ABCG1: variants seen among roughly 807,000 people sequenced by gnomAD.
ABCG1 encodes ATP binding cassette subfamily G member 1.
In ABCG1, 29 loss-of-function variants were observed where a neutral mutation model predicts 69.2. The observed-to-expected ratio is 0.42, with a 90% CI of 0.31 to 0.57. The LOEUF (loss-of-function observed/expected upper bound fraction) is 0.57, where lower values mean the gene tolerates loss of function less well. ABCG1 is among the 20% of genes least tolerant of loss of function. ABCG1 has a pLI of 0.15. For synonymous variants in ABCG1, 370 were observed against 374.8 expected (o/e 0.99, Z 0.15); for missense variants, 718 against 898.1 (o/e 0.80, Z 2.56).
chr21:42,214,433 G>A (rs756282386), upstream of ABCG1, among the ~76,000 whole-genome samples: 1 of 152,258 alleles, frequency 6.6e-6, no homozygotes, highest in Non-Finnish European at 1.5e-5. Flanking sequence ...ACAGCAGCCA[G>A]AATAGACTAA....
intron 2 of ABCG1, chr21:42,259,214 T>TG: frequency 7.0e-7 from 1 of 1,436,458 alleles, no homozygotes; most frequent in Non-Finnish European, 9.1e-7. Context: ...TCGCTGGTGC[T>TG]GGGCTCAGCT....
Position 42,276,998 on chromosome 21 carries a change from T to C in ABCG1, c.588+53T>C, listed in dbSNP as rs1360188768. On this transcript the variant is annotated intron_variant, in intron 5 of 14. Transcript: ENST00000398449. The surrounding 1 kb of genome is among the most constrained non-coding windows in gnomAD (Gnocchi z 5.3). ...TGGTCCAGAAAGTGCATGACGTGCA[T>C]GTGGAAGGTGTGCCTGCCGGGGCAT... 2 of 1,583,950 alleles carry C rather than the reference T, an allele frequency of 1.3e-6. No homozygotes were observed. The highest frequency in any genetic ancestry group is 2.2e-5 in the East Asian group (1 of 44,646).
intron 2 of ABCG1, chr21:42,255,948 A>G: frequency 3.9e-6 from 1 of 254,638 alleles, no homozygotes; most frequent in Non-Finnish European, 7.3e-6. Flanking sequence ...ACAAATGTCC[A>G]CTTTGTTTTC....
At chr21:42,294,833 C>T (rs1341022734) in intron 14 of ABCG1, 173 bp downstream of exon 14, 2 of 612,692 alleles carry the variant, frequency 3.3e-6, no homozygotes, top group African/African-American at 1.8e-5. Context: ...CTCCTACCCT[C>T]ACCAACACAC....
At chr21:42,215,943 A>G (rs924473251), upstream of ABCG1, 6 of 268,302 alleles carry the variant, frequency 2.2e-5, no homozygotes, top group Non-Finnish European at 4.5e-5. Context: ...CCCCACCCAA[A>G]TCTCATCTTG....
intron 2 of ABCG1, among the ~76,000 whole-genome samples, chr21:42,233,849 G>A (rs1238313137): frequency 6.6e-6 from 1 of 152,248 alleles, no homozygotes; most frequent in African/African-American, 2.4e-5. Context: ...GGCAGAACCT[G>A]AGTCACGTTC....
At chr21:42,235,907 C>T (rs2067972658) in intron 2 of ABCG1, among the ~76,000 whole-genome samples, 1 of 152,192 alleles carries the variant, frequency 6.6e-6, no homozygotes, top group South Asian at 2.1e-4. Context: ...GGAGTCCATC[C>T]CCATGGTTCA....
rs557071768 is a variant in ABCG1 at position 42,282,743 on chromosome 21, C to T, written c.734+324C>T. Among the ~76,000 whole-genome samples the T allele has an allele frequency of 6.1e-4, 93 of 152,338 alleles. 1 individual carries two copies. Among genetic ancestry groups the T allele is most frequent in the Non-Finnish European group, 1.5e-5 (1 of 68,038 alleles). On this transcript the variant is annotated intron_variant, in intron 6 of 14. Transcript: ENST00000398449. ...CACTCTGAGGGCCAAGGTCATGGGA[C>T]GACCTGGGAAACGGTGTGTCTTCAG...
chr21:42,256,416 C>T, intron 2 of ABCG1: 2 of 1,549,590 alleles, frequency 1.3e-6, no homozygotes, highest in African/African-American at 1.4e-5. Flanking sequence ...CTGGTCCCTA[C>T]TCACACCTTC....
chr21:42,207,395 ATCCAT>A (rs1052071274), intron 2 of ABCG1, among the ~76,000 whole-genome samples: 1 of 152,086 alleles, frequency 6.6e-6, no homozygotes, highest in Non-Finnish European at 1.5e-5. Flanking sequence ...AATATTGGTA[ATCCAT>A]TCTAAACTTT....
chr21:42,227,557 A>G (rs2067837348), intron 2 of ABCG1, among the ~76,000 whole-genome samples: 1 of 152,168 alleles, frequency 6.6e-6, no homozygotes, highest in Non-Finnish European at 1.5e-5. Context: ...AGAAATGAAG[A>G]CATCTGAAAC....
intron 2 of ABCG1, among the ~76,000 whole-genome samples, chr21:42,243,588 C>G (rs2068087204): frequency 6.6e-6 from 1 of 151,848 alleles, no homozygotes; most frequent in Non-Finnish European, 1.5e-5. Context: ...TTGTCATGAT[C>G]TCCATCATCA....
intron 5 of ABCG1, 77 bp from the exon 6 acceptor site, chr21:42,282,197 G>T: frequency 1.3e-6 from 2 of 1,551,408 alleles, no homozygotes; most frequent in South Asian, 2.4e-5. Flanking sequence ...GCGGCTGGCA[G>T]GTCTTCCTGC....
chr21:42,214,502 C>T (rs915319233), upstream of ABCG1, among the ~76,000 whole-genome samples: 3 of 152,358 alleles, frequency 2.0e-5, no homozygotes, highest in African/African-American at 7.2e-5. Context: ...GCCAGGCTGA[C>T]CAGAAGGGAG....
At chr21:42,266,420 G>GA (rs1355896598) in intron 2 of ABCG1, among the ~76,000 whole-genome samples, 1 of 152,202 alleles carries the variant, frequency 6.6e-6, no homozygotes, top group Non-Finnish European at 1.5e-5. Flanking sequence ...CTTTTATAGT[G>GA]AGTAGCTCTG....
upstream of ABCG1, among the ~76,000 whole-genome samples, chr21:42,213,879 C>T (rs1267204566): frequency 6.6e-6 from 1 of 152,232 alleles, no homozygotes; most frequent in African/African-American, 2.4e-5. Flanking sequence ...TGTGACTTCA[C>T]AAGTTCACCG....
chr21:42,265,555 G>A (rs979702436), intron 2 of ABCG1, among the ~76,000 whole-genome samples: 3 of 152,182 alleles, frequency 2.0e-5, no homozygotes, highest in Non-Finnish European at 2.9e-5. Context: ...GAGCACCAGC[G>A]GCTGGCAGAG....
At chr21:42,203,986 G>A (rs1328840761) in intron 2 of ABCG1, among the ~76,000 whole-genome samples, 3 of 152,104 alleles carry the variant, frequency 2.0e-5, no homozygotes, top group African/African-American at 7.3e-5. Context: ...TTACTACTAA[G>A]TATTGAATTT....
At chr21:42,255,919 T>C (rs2068296778) in intron 2 of ABCG1, among the ~76,000 whole-genome samples, 1 of 152,196 alleles carries the variant, frequency 6.6e-6, no homozygotes, top group South Asian at 2.1e-4. Flanking sequence ...GTGTAGTCTT[T>C]GGGAACTTTT....
Sources: allele counts gnomAD v4.1 joint callset (sites outside exome capture counted in the v4.1 genomes callset), GRCh38; gene constraint gnomAD v4.1.1; non-coding constraint Gnocchi (gnomAD v3.1); transcripts MANE v1.5; gene names NCBI Gene and HGNC (gene_info 2026-07-23, HGNC 2026-07-21).